The following FNDC3A variants were observed in gnomAD, a reference collection of about 807,000 sequenced individuals.
FNDC3A encodes the protein fibronectin type III domain containing 3A, also known as fibronectin type-III domain-containing protein 3A.
Under a neutral mutation model 148.9 loss-of-function variants are expected in FNDC3A, and 32 were observed. That is an observed-to-expected ratio of 0.21 (90% CI 0.16 to 0.29). The LOEUF (loss-of-function observed/expected upper bound fraction) is 0.29. Among genes scored for constraint, FNDC3A ranks in the 10% least tolerant of loss-of-function variants. FNDC3A has a pLI of 1.00. For missense variants in FNDC3A, 1,191 were observed against 1,452.8 expected, an observed-to-expected ratio of 0.82 and a Z score of 2.93; for synonymous variants, 472 against 473.6, an observed-to-expected ratio of 1.00 and a Z score of 0.04.
At chr13:48,985,066 G>A (rs1951763519) in intron 1 of FNDC3A, among the ~76,000 whole-genome samples, 1 of 152,276 alleles carries the variant, frequency 6.6e-6, no homozygotes, top group Non-Finnish European at 1.5e-5. Context: ...AGTAGAGAAG[G>A]CCTTTTAAGT....
chr13:49,152,177 GTTTACAC>G (rs1883341196), intron 8 of FNDC3A, among the ~76,000 whole-genome samples: 1 of 152,138 alleles, frequency 6.6e-6, no homozygotes. Flanking sequence ...GGTTGAACTA[GTTTACAC>G]TACCACCAAC....
intron 7 of FNDC3A, among the ~76,000 whole-genome samples, chr13:49,144,054 A>T (rs1882855624): frequency 6.6e-6 from 1 of 150,862 alleles, no homozygotes; most frequent in Non-Finnish European, 1.5e-5. Flanking sequence ...ATAATAATAA[A>T]GTAGATGCCA....
intron 8 of FNDC3A, among the ~76,000 whole-genome samples, chr13:49,156,598 G>A (rs899672282): frequency 2.0e-5 from 3 of 150,244 alleles, no homozygotes; most frequent in Non-Finnish European, 4.4e-5. Flanking sequence ...GTTAGTTGAT[G>A]CAGTTTCTTC....
Position 49,152,555 on chromosome 13 carries a change from C to G in FNDC3A, c.977+6620C>G, listed in dbSNP as rs563706555. On this transcript the variant is annotated intron_variant, in intron 8 of 25. Coordinates refer to ENST00000492622, the MANE Select transcript of FNDC3A (RefSeq NM_001079673.2). ...CTTTAAGTTTTAGGGTGTATGTGCA[C>G]ATTGTGCAGGTTAGTTACATATGTA... Among the ~76,000 whole-genome samples, 47 of 151,840 alleles carry G rather than the reference C, an allele frequency of 3.1e-4. No homozygotes were observed. In the South Asian group the frequency reaches 9.6e-3, roughly 31 times the overall value.
intron 8 of FNDC3A, among the ~76,000 whole-genome samples, chr13:49,148,426 A>G (rs1221149218): frequency 6.6e-6 from 1 of 152,200 alleles, no homozygotes; most frequent in East Asian, 1.9e-4. Context: ...ATTCTTCTGC[A>G]GGTGGATATC....
At chr13:48,983,697 T>C (rs1951736438) in intron 1 of FNDC3A, among the ~76,000 whole-genome samples, 3 of 152,222 alleles carry the variant, frequency 2.0e-5, no homozygotes, top group Admixed American at 6.5e-5. Flanking sequence ...ACACTTTCTG[T>C]ATTCTGGGTG....
At chr13:49,073,229 C>G (rs1430549408) in intron 2 of FNDC3A, among the ~76,000 whole-genome samples, 2 of 151,990 alleles carry the variant, frequency 1.3e-5, no homozygotes, top group Admixed American at 1.3e-4. Flanking sequence ...AAAATATTTG[C>G]AACATATTAT....
chr13:48,994,653 C>T (rs779625510), intron 1 of FNDC3A, among the ~76,000 whole-genome samples: 10 of 152,066 alleles, frequency 6.6e-5, no homozygotes, highest in Non-Finnish European at 1.0e-4. Flanking sequence ...TGGCGCATGC[C>T]TGTAATCCCA....
At chr13:49,016,403 A>G (rs1872781665) in intron 2 of FNDC3A, among the ~76,000 whole-genome samples, 1 of 152,124 alleles carries the variant, frequency 6.6e-6, no homozygotes, top group African/African-American at 2.4e-5. Context: ...AGGTGTTTGT[A>G]GTATTCTCTG....
intron 1 of FNDC3A, among the ~76,000 whole-genome samples, chr13:48,999,321 G>A (rs1035111233): frequency 6.6e-6 from 1 of 152,198 alleles, no homozygotes; most frequent in African/African-American, 2.4e-5. Context: ...ACTTGCTTGG[G>A]ACATGTCACC....
intron 17 of FNDC3A, among the ~76,000 whole-genome samples, chr13:49,189,953 C>T (rs773912816): frequency 1.5e-4 from 23 of 152,152 alleles, no homozygotes; most frequent in Non-Finnish European, 2.9e-4. Context: ...GTGGCACGAT[C>T]TCGGCTCACT....
intron 2 of FNDC3A, among the ~76,000 whole-genome samples, chr13:49,063,464 G>A (rs1877038447): frequency 6.6e-6 from 1 of 152,188 alleles, no homozygotes; most frequent in African/African-American, 2.4e-5. Flanking sequence ...GTCGAGGATT[G>A]TAAACCAGGA....
At chr13:49,049,167 C>T (rs2137707381) in intron 2 of FNDC3A, among the ~76,000 whole-genome samples, 1 of 152,300 alleles carries the variant, frequency 6.6e-6, no homozygotes, top group South Asian at 2.1e-4. Context: ...CCCACTTCAT[C>T]ATGGTGGATT....
intron 2 of FNDC3A, among the ~76,000 whole-genome samples, chr13:49,056,478 A>T (rs1876252288): frequency 6.6e-6 from 1 of 152,096 alleles, no homozygotes. Context: ...CCTGATTTTG[A>T]GAATTCATGT....
At chr13:49,159,339 C>T (rs1053823203) in intron 8 of FNDC3A, among the ~76,000 whole-genome samples, 9 of 152,194 alleles carry the variant, frequency 5.9e-5, no homozygotes, top group African/African-American at 1.9e-4. Context: ...CCTTCACATC[C>T]CTTGTAAGTT....
At chr13:49,004,062 G>A (rs890616199) in intron 1 of FNDC3A, among the ~76,000 whole-genome samples, 1 of 152,096 alleles carries the variant, frequency 6.6e-6, no homozygotes, top group African/African-American at 2.4e-5. Flanking sequence ...GTTAATACAT[G>A]CTGTAAGTTA....
chr13:49,167,434 G>A (rs1384935996), intron 9 of FNDC3A, 131 bp downstream of exon 9: 1 of 582,932 alleles, frequency 1.7e-6, no homozygotes, highest in Non-Finnish European at 2.9e-6. Flanking sequence ...TTTGTGGGCT[G>A]GGCGCAGTGC....
chr13:49,062,868 C>T (rs904637929), intron 2 of FNDC3A, among the ~76,000 whole-genome samples: 5 of 152,090 alleles, frequency 3.3e-5, no homozygotes, highest in Middle Eastern at 3.2e-3. Flanking sequence ...GTGTGCCACA[C>T]GGTAGCTGTT....
intron 2 of FNDC3A, among the ~76,000 whole-genome samples, chr13:49,059,280 G>A (rs1192509896): frequency 6.6e-6 from 1 of 152,282 alleles, no homozygotes; most frequent in East Asian, 1.9e-4. Flanking sequence ...AGACAACATA[G>A]GGGTAAATCT....
Sources: gnomAD v4.1 joint callset for allele counts (sites outside exome capture counted in the v4.1 genomes callset) on GRCh38, gnomAD v4.1.1 for gene constraint, MANE v1.5 for transcripts, NCBI Gene and HGNC (gene_info 2026-07-23, HGNC 2026-07-21) for gene names.